Variants in FBXL5 observed in about 807,000 individuals in gnomAD.
FBXL5 encodes the protein F-box and leucine rich repeat protein 5, also known as F-box/LRR-repeat protein 5.
FBXL5 carries 26 observed loss-of-function variants against 78.3 expected under a neutral mutation model. The observed-to-expected ratio is 0.33, with a 90% CI of 0.24 to 0.46. The LOEUF (loss-of-function observed/expected upper bound fraction) is 0.46. Ranked by LOEUF, FBXL5 falls within the 20% of genes least tolerant of loss-of-function variation. The pLI, the probability that FBXL5 is intolerant of heterozygous loss-of-function variation, is 1.00. For missense variants in FBXL5, 710 were observed against 829.2 expected, an observed-to-expected ratio of 0.86 and a Z score of 1.77; for synonymous variants, 295 against 282.5, an observed-to-expected ratio of 1.04 and a Z score of -0.45.
At chr4:15,623,389 G>A (rs142636371) in intron 9 of FBXL5, among the ~76,000 whole-genome samples, 3 of 151,622 alleles carry the variant, frequency 2.0e-5, no homozygotes, top group East Asian at 1.9e-4. Context: ...AAGTCATTGC[G>A]GCTCTGAAAG....
chr4:15,626,977 C>G, intron 7 of FBXL5, 22 bp from the exon 8 acceptor site: 1 of 1,510,838 alleles, frequency 6.6e-7, no homozygotes, highest in Non-Finnish European at 9.1e-7. Flanking sequence ...GAAATTGTCA[C>G]TGTAAAGATC....
Position 15,625,818 on chromosome 4 carries a change from T to G in FBXL5, c.1284A>C (p.Ser428=), listed in dbSNP as rs576066623. 1 of 1,614,138 alleles carries G rather than the reference T, an allele frequency of 6.2e-7. No homozygotes were observed. The highest frequency in any genetic ancestry group is 1.1e-5 in the South Asian group (1 of 91,078). ...FLKTSTSKIT[S]TAWKNKDITM... The stretch of plus-strand genomic sequence containing the variant: ...TAATGTCTTTATTTTTCCACGCAGT[T>G]GAAGTAATTTTGCTTGTAGATGTTT... The change falls in exon 9 of 11, where the codon TCA becomes TCC. Residue 428 remains serine (S), a synonymous_variant. Transcript: ENST00000341285.
chr4:15,657,275 G>A (rs1717035676), upstream of FBXL5, among the ~76,000 whole-genome samples: 1 of 152,182 alleles, frequency 6.6e-6, no homozygotes, highest in Non-Finnish European at 1.5e-5. Context: ...ATGAGAACAT[G>A]CACTTTGTTT....
Position 15,630,718 on chromosome 4 carries a change from A to T in FBXL5, c.840T>A (p.Asp280Glu). The T allele has an allele frequency of 6.2e-7, 1 of 1,607,594 alleles. No individual in the cohort carries two copies. The highest frequency in any genetic ancestry group is 8.5e-7 in the Non-Finnish European group (1 of 1,178,478). The stretch of plus-strand genomic sequence containing the variant: ...CCCACTCATGAAAAGCACGACTTTC[A>T]TCTTTCCTATTTTTCACCCATTCAT... Reference protein sequence around the residue: ...PDDEWVKNRKDESRAFHEWDE... With the variant: ...PDDEWVKNRKEESRAFHEWDE... The change falls in exon 6 of 11, where the codon GAT becomes GAA. Residue 280 changes from aspartate (D) to glutamate (E), a missense_variant. By Grantham distance (45) the Asp-to-Glu change is conservative (BLOSUM62 2). Transcript: ENST00000341285.
intron 1 of FBXL5, among the ~76,000 whole-genome samples, chr4:15,674,696 C>G (rs1031746277): frequency 6.6e-6 from 1 of 150,830 alleles, no homozygotes; most frequent in African/African-American, 2.4e-5. Flanking sequence ...GTCGCCCAGG[C>G]TGGAGTGCAG....
At chr4:15,630,441 T>A (rs112647283) in intron 6 of FBXL5, among the ~76,000 whole-genome samples, 2,469 of 152,296 alleles carry the variant, frequency 0.016, 69 homozygotes, top group African/African-American at 0.056. Context: ...TTCTGATTTT[T>A]GATTTTAATA....
intron 7 of FBXL5, among the ~76,000 whole-genome samples, chr4:15,627,526 T>C (rs1713191771): frequency 6.6e-6 from 1 of 152,190 alleles, no homozygotes; most frequent in Admixed American, 6.5e-5. Flanking sequence ...TAATATCCAC[T>C]TTTATAAAAC....
At chr4:15,612,206 C>T (rs1310961585) in intron 10 of FBXL5, 60 bp downstream of exon 10, 2 of 1,341,176 alleles carry the variant, frequency 1.5e-6, no homozygotes, top group Admixed American at 2.8e-5. Context: ...ATTATTAGAA[C>T]TGCTAAAAAA....
rs28368350 is a variant in FBXL5 at position 15,653,577 on chromosome 4, A to C, written c.84+1627T>G. Reference sequence around the variant, plus strand: ...AGGTGATCCTAGGCTACCTCTCCACAGTCTAAAGTGGAGAGAAAACCTTGG... The same window carrying C: ...AGGTGATCCTAGGCTACCTCTCCACCGTCTAAAGTGGAGAGAAAACCTTGG... On this transcript the variant is annotated intron_variant, in intron 1 of 10. Coordinates refer to ENST00000341285, the MANE Select transcript of FBXL5 (RefSeq NM_012161.4). Among the ~76,000 whole-genome samples, 1,422 of 152,296 alleles carry C rather than the reference A, an allele frequency of 9.3e-3. 23 individuals carry two copies. Among genetic ancestry groups the C allele is most frequent in the African/African-American group, 0.033 (1,352 of 41,556 alleles).
chr4:15,629,113 C>G (rs1030453883), intron 6 of FBXL5, among the ~76,000 whole-genome samples: 1 of 151,840 alleles, frequency 6.6e-6, no homozygotes, highest in Non-Finnish European at 1.5e-5. Flanking sequence ...GACAAGGCAG[C>G]CAAACCGAAA....
At chr4:15,641,049 A>T (rs561822043) in intron 2 of FBXL5, among the ~76,000 whole-genome samples, 166 bp from the exon 3 acceptor site, 28 of 152,306 alleles carry the variant, frequency 1.8e-4, no homozygotes, top group African/African-American at 6.3e-4. Flanking sequence ...TAAAACAGTA[A>T]GCTTTGAATT....
At chr4:15,636,454 G>A in intron 5 of FBXL5, 40 bp downstream of exon 5, 1 of 1,415,870 alleles carries the variant, frequency 7.1e-7, no homozygotes, top group Non-Finnish European at 9.4e-7. Context: ...TATTCATCTA[G>A]AAAAATACAT....
chr4:15,669,919 G>T (rs377439213), intron 1 of FBXL5, among the ~76,000 whole-genome samples: 1 of 152,086 alleles, frequency 6.6e-6, no homozygotes, highest in Non-Finnish European at 1.5e-5. Flanking sequence ...TTGTTAAAGG[G>T]GCGGTAATCA....
chr4:15,625,677 A>G lies in FBXL5; in HGVS notation c.1425T>C (p.Thr475=). ...CATCTAACATCCACACATAAGGAGA[A>G]GTGAAATTCTCAGAAGAAACAGGCT... ...WTKPVSSENF[T]SPYVWMLDAE... is the part of the protein sequence containing the mutation. Residue 475 remains threonine (T), a synonymous_variant, in exon 9 of 11, where the codon ACT becomes ACC. Transcript: ENST00000341285. 5.0e-6 allele frequency: 8 copies of G among 1,614,244 alleles called. No individual in the cohort carries two copies. The highest frequency in any genetic ancestry group is 5.9e-6 in the Non-Finnish European group (7 of 1,180,044).
chr4:15,631,284 A>AT (rs1371526539), intron 5 of FBXL5, among the ~76,000 whole-genome samples: 7 of 152,218 alleles, frequency 4.6e-5, no homozygotes, highest in African/African-American at 1.4e-4. Context: ...TACATGGTGT[A>AT]TATGTGCCAC....
At chr4:15,621,648 C>T (rs1712492516) in intron 9 of FBXL5, among the ~76,000 whole-genome samples, 1 of 152,092 alleles carries the variant, frequency 6.6e-6, no homozygotes. Flanking sequence ...TGTATGATTC[C>T]ACTTATATGA....
At chr4:15,609,017 TGAATAAATGGACAACA>T (rs1722066048) in intron 10 of FBXL5, among the ~76,000 whole-genome samples, 1 of 151,878 alleles carries the variant, frequency 6.6e-6, no homozygotes, top group Non-Finnish European at 1.5e-5. Context: ...TTCAGAGAAG[TGAATAAATGGACAACA>T]GAATAAATGG....
chr4:15,613,941 T>C (rs961594930), intron 9 of FBXL5, among the ~76,000 whole-genome samples: 4 of 152,230 alleles, frequency 2.6e-5, no homozygotes, highest in African/African-American at 7.2e-5. Context: ...TTTCCGGCAA[T>C]TGAGAGATTT....
intron 10 of FBXL5, among the ~76,000 whole-genome samples, chr4:15,607,888 T>C (rs552809730): frequency 6.6e-6 from 1 of 152,324 alleles, no homozygotes; most frequent in South Asian, 2.1e-4. Context: ...GAAGACTCTA[T>C]ACAATTTTTC....
Sources: gnomAD v4.1 joint callset for allele counts (sites outside exome capture counted in the v4.1 genomes callset) on GRCh38, gnomAD v4.1.1 for gene constraint, MANE v1.5 for transcripts, NCBI Gene and HGNC (gene_info 2026-07-23, HGNC 2026-07-21) for gene names.